MCTP1: variants seen among roughly 807,000 people sequenced by gnomAD.
The protein encoded by MCTP1 is multiple C2 and transmembrane domain-containing protein 1.
A neutral mutation model predicts 120.6 loss-of-function variants in MCTP1; 69 were observed. That is an observed-to-expected ratio of 0.57 (90% CI 0.47 to 0.70). MCTP1 has a LOEUF of 0.70. Ranked by LOEUF, MCTP1 falls within the 30% of genes least tolerant of loss-of-function variation. The pLI is 0.00. For missense variants in MCTP1, 1,203 were observed against 1,248.8 expected, an observed-to-expected ratio of 0.96 and a Z score of 0.55; for synonymous variants, 529 against 493.1, an observed-to-expected ratio of 1.07 and a Z score of -0.96.
chr5:94,973,095 G>A (rs543458076), intron 2 of MCTP1, among the ~76,000 whole-genome samples: 1 of 152,238 alleles, frequency 6.6e-6, no homozygotes, highest in Admixed American at 6.5e-5. Context: ...TGTTTGTCAA[G>A]CAAATGAATA....
intron 2 of MCTP1, among the ~76,000 whole-genome samples, chr5:94,972,410 C>CA (rs1827109176): frequency 6.6e-6 from 1 of 152,070 alleles, no homozygotes; most frequent in Non-Finnish European, 1.5e-5. Context: ...TGAGTTTTAG[C>CA]GGAATGCCTG....
chr5:94,929,491 T>C (rs1208326649), intron 6 of MCTP1: 1 of 196,416 alleles, frequency 5.1e-6, no homozygotes, highest in Non-Finnish European at 9.2e-6. Flanking sequence ...AATTACACCC[T>C]ATTTCCAAAA....
chr5:95,118,051 G>T (rs537265492), intron 1 of MCTP1, among the ~76,000 whole-genome samples: 1 of 152,184 alleles, frequency 6.6e-6, no homozygotes, highest in South Asian at 2.1e-4. Context: ...AGAGCATTAG[G>T]AAAAATAGTT....
rs1442182508 is a variant in MCTP1, at chr5:94,829,014, C to A, written c.2437-29882G>T. Among the ~76,000 whole-genome samples the A allele has an allele frequency of 2.2e-4, 33 of 151,188 alleles. 1 individual carries two copies. The highest frequency in any genetic ancestry group is 1.3e-3 in the South Asian group (6 of 4,774). ...GAAAAAAACAAACAAACAACAACAA[C>A]AAAAAAAAAACTCCTGCAGTTAGCA... On this transcript the variant is annotated intron_variant, in intron 17 of 22. Transcript: ENST00000515393.
At chr5:94,986,758 G>A (rs566247675) in intron 2 of MCTP1, among the ~76,000 whole-genome samples, 6 of 152,126 alleles carry the variant, frequency 3.9e-5, no homozygotes, top group Middle Eastern at 3.4e-3. Flanking sequence ...TGATCCAACC[G>A]CCTCGGCCTC....
At chr5:95,115,372 A>T (rs777467140) in intron 1 of MCTP1, among the ~76,000 whole-genome samples, 2 of 152,134 alleles carry the variant, frequency 1.3e-5, no homozygotes, top group Non-Finnish European at 2.9e-5. Context: ...AAACTCAAAG[A>T]ATTTCAAGAT....
chr5:95,189,858 G>A (rs370136730), intron 1 of MCTP1, among the ~76,000 whole-genome samples: 47 of 152,172 alleles, frequency 3.1e-4, no homozygotes, highest in African/African-American at 1.1e-3. Flanking sequence ...TTGGTTCAAG[G>A]ACATACCTGA....
At chr5:94,760,485 T>C (rs996857713) in intron 19 of MCTP1, among the ~76,000 whole-genome samples, 1 of 152,174 alleles carries the variant, frequency 6.6e-6, no homozygotes. Context: ...ACAAAGAGAA[T>C]ACAGATGCTG....
intron 1 of MCTP1, among the ~76,000 whole-genome samples, chr5:95,217,985 A>G (rs753516182): frequency 1.3e-5 from 2 of 152,234 alleles, no homozygotes; most frequent in Non-Finnish European, 2.9e-5. Context: ...CAGGAAAGAC[A>G]TGAGAGATAT....
In MCTP1 at chr5:95,076,905, T is replaced by A. The variant is rs151322932; in HGVS notation, c.721-59421A>T. Among the ~76,000 whole-genome samples, 1,291 of 152,292 alleles carry A rather than the reference T, an allele frequency of 8.5e-3. 22 individuals carry two copies. The highest frequency in any genetic ancestry group is 0.03 in the African/African-American group (1,239 of 41,556). On this transcript the variant is annotated intron_variant, in intron 1 of 22. Coordinates refer to ENST00000515393, the MANE Select transcript of MCTP1 (RefSeq NM_024717.7). ...TTTAAAACTTTTCACCCTATTTAGT[T>A]GTGCTTGATCAAGTATTTTTACAGG...
intron 1 of MCTP1, among the ~76,000 whole-genome samples, chr5:95,093,814 T>G (rs1037793442): frequency 6.6e-6 from 1 of 152,174 alleles, no homozygotes; most frequent in Non-Finnish European, 1.5e-5. Flanking sequence ...AGTGAGGCTA[T>G]GTGATTTCTG....
chr5:95,192,594 C>T (rs1170429824), intron 1 of MCTP1, among the ~76,000 whole-genome samples: 1 of 151,950 alleles, frequency 6.6e-6, no homozygotes, highest in Non-Finnish European at 1.5e-5. Flanking sequence ...TATTTAAGAT[C>T]AAGGAGGTAA....
chr5:95,083,100 T>C (rs1755129577), intron 1 of MCTP1, among the ~76,000 whole-genome samples: 2 of 152,186 alleles, frequency 1.3e-5, no homozygotes, highest in East Asian at 1.9e-4. Flanking sequence ...GCTATTGACA[T>C]GGTCATCAAT....
At chr5:95,261,878 C>A (rs2152719280) in intron 1 of MCTP1, among the ~76,000 whole-genome samples, 1 of 152,310 alleles carries the variant, frequency 6.6e-6, no homozygotes, top group South Asian at 2.1e-4. Flanking sequence ...AGAAGTTAAC[C>A]CACAATGTGG....
intron 1 of MCTP1, among the ~76,000 whole-genome samples, chr5:95,035,961 T>C (rs1461902132): frequency 6.6e-6 from 1 of 152,100 alleles, no homozygotes; most frequent in East Asian, 1.9e-4. Flanking sequence ...CTGTTATCTT[T>C]CCTATTTCAC....
At chr5:94,825,355 T>C (rs1423176786) in intron 17 of MCTP1, among the ~76,000 whole-genome samples, 3 of 152,212 alleles carry the variant, frequency 2.0e-5, no homozygotes, top group South Asian at 2.1e-4. Context: ...AGTTTTTGAA[T>C]GAGTTTCTTA....
chr5:94,799,980 T>C (rs553768081), intron 17 of MCTP1, among the ~76,000 whole-genome samples: 3 of 152,228 alleles, frequency 2.0e-5, no homozygotes, highest in African/African-American at 7.2e-5. Context: ...GCTTTTGCTG[T>C]CAAATTAAGG....
chr5:94,761,511 A>C (rs1771337056), intron 19 of MCTP1, among the ~76,000 whole-genome samples: 1 of 152,250 alleles, frequency 6.6e-6, no homozygotes, highest in South Asian at 2.1e-4. Flanking sequence ...CTACCTGACA[A>C]TATGAAGGCA....
At chr5:94,764,828 C>CAAAAAAAAAAAAAAAAAAAAAAAAAAA (rs57246943) in intron 19 of MCTP1, among the ~76,000 whole-genome samples, 1 of 90,976 alleles carries the variant, frequency 1.1e-5, no homozygotes, top group Non-Finnish European at 2.2e-5. Context: ...TGACCTGGAC[C>CAAAAAAAAAAAAAAAAAAAAAAAAAAA]AAAAAAAAAA....
Sources: gnomAD v4.1 joint callset for allele counts (sites outside exome capture counted in the v4.1 genomes callset) on GRCh38, gnomAD v4.1.1 for gene constraint, MANE v1.5 for transcripts, NCBI Gene and HGNC (gene_info 2026-07-23, HGNC 2026-07-21) for gene names.